The following PHKB variants were observed in gnomAD, a reference collection of about 807,000 sequenced individuals.
PHKB encodes the protein phosphorylase kinase regulatory subunit beta.
In PHKB, 122 loss-of-function variants were observed where a neutral mutation model predicts 152.1. That is an observed-to-expected ratio of 0.80 (90% confidence interval 0.69 to 0.93). The LOEUF (loss-of-function observed/expected upper bound fraction) is 0.93. Among genes scored for constraint, PHKB ranks in the 40% least tolerant of loss-of-function variants. The pLI is 0.00. For missense variants in PHKB, 1,304 were observed against 1,328.4 expected (o/e 0.98, Z 0.29); for synonymous variants, 436 against 464.9 (o/e 0.94, Z 0.80).
chr16:47,571,673 A>G (rs944384733), intron 7 of PHKB, among the ~76,000 whole-genome samples: 1 of 152,094 alleles, frequency 6.6e-6, no homozygotes, highest in African/African-American at 2.4e-5. Context: ...ACTCTCACTG[A>G]GCTCCTGTGG....
intron 26 of PHKB, among the ~76,000 whole-genome samples, chr16:47,675,191 T>G (rs1973704797): frequency 6.6e-6 from 1 of 152,130 alleles, no homozygotes; most frequent in African/African-American, 2.4e-5. Flanking sequence ...GAACCAGGAT[T>G]TGGAACTAGT....
chr16:47,517,393 C>CT (rs1970616282), intron 6 of PHKB, among the ~76,000 whole-genome samples: 1 of 151,708 alleles, frequency 6.6e-6, no homozygotes, highest in Admixed American at 6.6e-5. Context: ...GTAGCTGGGA[C>CT]TGCAGATGCA....
At chr16:47,626,225 C>T (rs1481726953) in intron 14 of PHKB, among the ~76,000 whole-genome samples, 1 of 152,138 alleles carries the variant, frequency 6.6e-6, no homozygotes, top group African/African-American at 2.4e-5. Context: ...TGTGTGAATC[C>T]GCACTAGAAA....
Position 47,664,876 on chromosome 16 carries a change from C to T in PHKB, c.2337-9C>T, listed in dbSNP as rs200642680. 2 of 1,604,458 alleles carry T rather than the reference C, an allele frequency of 1.2e-6. No homozygotes were observed. Among genetic ancestry groups the T allele is most frequent in the East Asian group, 2.2e-5 (1 of 44,804 alleles). ...TTTCCCTTTTATGGCTTTCCACTGA[C>T]ACACCCAGGTTGGCGGTGCGCTACG... is the stretch of plus-strand genomic sequence containing the variant. On this transcript the variant is annotated splice_polypyrimidine_tract_variant and intron_variant, in intron 24 of 30. Coordinates refer to ENST00000323584, the MANE Select transcript of PHKB (RefSeq NM_000293.3).
Position 47,674,372 on chromosome 16 carries a change from G to A in PHKB, c.2630+4955G>A, listed in dbSNP as rs143932872. On this transcript the variant is annotated intron_variant, in intron 26 of 30. Transcript: ENST00000323584. ...ATATTGTGTTGGTGCAAAAGTAATC[G>A]TGGTTTTTGCCATTGAAAGTAGTGG... Among the ~76,000 whole-genome samples the A allele has an allele frequency of 9.2e-5, 14 of 152,210 alleles. No homozygotes were observed. The South Asian group carries it at 1.7e-3, about 18-fold the overall frequency.
rs199630781 is a variant in PHKB, at chr16:47,604,440, CAT to C, written c.1364-6385_1364-6384del. 8.1e-3 allele frequency among the ~76,000 whole-genome samples: 1,232 copies of C among 152,180 alleles called. 19 individuals carry two copies. The highest frequency in any genetic ancestry group is 0.027 in the African/African-American group (1,105 of 41,496). ...TAAAATGCATACACACACACACACA[CAT>C]GTATTTGGAATTTTCTGGTATAATA... On this transcript the variant is annotated intron_variant, in intron 13 of 30. Coordinates refer to ENST00000323584, the MANE Select transcript of PHKB (RefSeq NM_000293.3).
At chr16:47,494,601 A>G (rs1316222455) in intron 1 of PHKB, among the ~76,000 whole-genome samples, 3 of 152,190 alleles carry the variant, frequency 2.0e-5, no homozygotes, top group South Asian at 2.1e-4. Context: ...GCTCTGAGCT[A>G]TTTTTCTCCT....
intron 14 of PHKB, among the ~76,000 whole-genome samples, chr16:47,639,521 A>G (rs1972980019): frequency 6.6e-6 from 1 of 152,166 alleles, no homozygotes; most frequent in Admixed American, 6.5e-5. Flanking sequence ...CTTAGTTTTT[A>G]CAACAAAAGA....
intron 26 of PHKB, among the ~76,000 whole-genome samples, chr16:47,680,726 G>A (rs1973835865): frequency 6.6e-6 from 1 of 152,092 alleles, no homozygotes; most frequent in African/African-American, 2.4e-5. Context: ...CCAGCTCCTG[G>A]ATTCATTAAT....
At chr16:47,611,753 ACT>A (rs1336573300) in intron 14 of PHKB, among the ~76,000 whole-genome samples, 1 of 152,196 alleles carries the variant, frequency 6.6e-6, no homozygotes, top group Non-Finnish European at 1.5e-5. Flanking sequence ...ATTCTATTGC[ACT>A]GTTTCTCTGA....
intron 6 of PHKB, among the ~76,000 whole-genome samples, chr16:47,517,785 C>T (rs982560549): frequency 4.6e-5 from 7 of 151,806 alleles, no homozygotes; most frequent in African/African-American, 1.2e-4. Flanking sequence ...TGTGGTTTTT[C>T]TTGGCCTTAT....
chr16:47,645,097 T>C (rs1356184721), intron 16 of PHKB, among the ~76,000 whole-genome samples: 1 of 152,218 alleles, frequency 6.6e-6, no homozygotes, highest in African/African-American at 2.4e-5. Context: ...GAGTTCATTG[T>C]AGATTCTGGA....
chr16:47,468,525 C>T (rs1200360755), intron 1 of PHKB, among the ~76,000 whole-genome samples: 2 of 152,196 alleles, frequency 1.3e-5, no homozygotes, highest in Non-Finnish European at 2.9e-5. Flanking sequence ...TGGTGGCATG[C>T]GCCTGTAATC....
chr16:47,514,096 T>C (rs368255419), intron 5 of PHKB, among the ~76,000 whole-genome samples: 2 of 152,228 alleles, frequency 1.3e-5, no homozygotes, highest in South Asian at 2.1e-4. Flanking sequence ...TGGCATTTCA[T>C]ATACAATAAA....
intron 6 of PHKB, among the ~76,000 whole-genome samples, chr16:47,528,696 CT>C (rs11450311): frequency 4.0e-4 from 55 of 137,316 alleles, no homozygotes; most frequent in African/African-American, 6.4e-4. Context: ...AGGACTTTTT[CT>C]TTTTTTTTTT....
intron 7 of PHKB, among the ~76,000 whole-genome samples, chr16:47,567,495 G>A (rs1567309303): frequency 1.3e-5 from 2 of 152,092 alleles, no homozygotes; most frequent in African/African-American, 2.4e-5. Context: ...GAGATAGTTT[G>A]ACTTCCTCTT....
Position 47,548,468 on chromosome 16 carries a change from A to G in PHKB, c.710+920A>G, listed in dbSNP as rs945239995. On this transcript the variant is annotated intron_variant, in intron 7 of 30. Coordinates refer to ENST00000323584, the MANE Select transcript of PHKB (RefSeq NM_000293.3). ...CCAAAAATACAAAAAGTAGCTGGGC[A>G]TGGTGGTGCGTGCCTGTAATCCCAG... is the stretch of plus-strand genomic sequence containing the variant. 4.6e-5 allele frequency among the ~76,000 whole-genome samples: 7 copies of G among 152,202 alleles called. 1 individual carries two copies. Among genetic ancestry groups the G allele is most frequent in the Non-Finnish European group, 1.5e-5 (1 of 67,990 alleles).
intron 28 of PHKB, 59 bp from the exon 29 acceptor site, chr16:47,696,322 A>G (rs1359171601): frequency 1.3e-5 from 11 of 863,648 alleles, no homozygotes; most frequent in Admixed American, 1.7e-5. Context: ...AAATTCTTCT[A>G]TTAAATGAGA....
chr16:47,684,220 T>A (rs1009306345), intron 26 of PHKB, among the ~76,000 whole-genome samples: 4 of 151,260 alleles, frequency 2.6e-5, no homozygotes, highest in Admixed American at 2.6e-4. Flanking sequence ...GTAGTCCCAG[T>A]TACTCGGGAG....
Sources: allele counts gnomAD v4.1 joint callset (sites outside exome capture counted in the v4.1 genomes callset), GRCh38; gene constraint gnomAD v4.1.1; transcripts MANE v1.5; gene names NCBI Gene and HGNC (gene_info 2026-07-23, HGNC 2026-07-21).